Variants in STAT2 observed in about 807,000 individuals in gnomAD.
STAT2 encodes the protein interferon alpha induced transcriptional activator.
A neutral mutation model predicts 122.3 loss-of-function variants in STAT2; 51 were observed. That is an observed-to-expected ratio of 0.42 (90% CI 0.33 to 0.53). The LOEUF (loss-of-function observed/expected upper bound fraction) is 0.53. Among genes scored for constraint, STAT2 ranks in the 20% least tolerant of loss-of-function variants. The pLI is 0.10. For synonymous variants in STAT2, 351 were observed against 394.9 expected (o/e 0.89, Z 1.32); for missense variants, 736 against 1,010.3 (o/e 0.73, Z 3.68).
intron 1 of STAT2, 91 bp downstream of exon 1, chr12:56,359,967 G>C: frequency 1.1e-6 from 1 of 875,986 alleles, no homozygotes; most frequent in Non-Finnish European, 1.4e-6. Context: ...CCTCTCCAGG[G>C]GGTAACCCCT....
chr12:56,348,781 G>A lies in STAT2; in HGVS notation c.1600C>T (p.Pro534Ser), dbSNP rs754149611. The stretch of plus-strand genomic sequence containing the variant: ...GTGAAGTCAGCCCAGGACAATAATG[G>A]ATCCTCAGTCCTACAGTTCTGCCCT... ...LFGQNCRTED[P>S]LLSWADFTKR... The change falls in exon 18 of 24, where the codon CCA becomes TCA. Residue 534 changes from proline to serine, a missense_variant. Pro to Ser is a moderately conservative substitution (Grantham distance 74). Transcript: ENST00000314128. 3 of 1,614,198 alleles carry A rather than the reference G, an allele frequency of 1.9e-6. No homozygotes were observed. The highest frequency in any genetic ancestry group is 2.5e-6 in the Non-Finnish European group (3 of 1,180,044).
intron 12 of STAT2, 107 bp from the exon 13 acceptor site, chr12:56,350,297 C>T: frequency 2.8e-6 from 4 of 1,451,038 alleles, no homozygotes; most frequent in South Asian, 1.2e-5. Context: ...CGCCATCTCC[C>T]TTTGTCCATA....
chr12:56,349,705 G>A (rs555443299), intron 13 of STAT2, 69 bp from the exon 14 acceptor site: 10 of 1,603,368 alleles, frequency 6.2e-6, no homozygotes, highest in Admixed American at 1.7e-5. Context: ...CCCCTGTTTG[G>A]CTTCAAGACC....
chr12:56,357,823 G>A (rs1879760487), intron 1 of STAT2, among the ~76,000 whole-genome samples: 2 of 149,872 alleles, frequency 1.3e-5, no homozygotes, highest in South Asian at 4.2e-4. Flanking sequence ...GCCATTCTCT[G>A]CCTCAGCCCC....
In STAT2 at chr12:56,348,752, C is replaced by T; in HGVS notation, c.1629G>A (p.Lys543=). ...DPLLSWADFT[K]RESPPGKLPF... is the part of the protein sequence containing the mutation. ...AGCTCCACAGGATTCAGGGAGTTAC[C>T]TTAGTGAAGTCAGCCCAGGACAATA... The change falls in exon 18 of 24, where the codon AAG becomes AAA. Residue 543 remains lysine, a splice_region_variant and synonymous_variant. Transcript: ENST00000314128. 6.2e-7 allele frequency: 1 copy of T among 1,614,126 alleles called. No homozygotes were observed. The highest frequency in any genetic ancestry group is 8.5e-7 in the Non-Finnish European group (1 of 1,180,014).
rs766415320 is a variant in STAT2, at chr12:56,355,291, T to C, written c.532A>G (p.Lys178Glu). ...TGCTTCCTACCTTTGGCCTGGATCT[T>C]ATATCGGAAGCAGAAGACATCCTGC... Reference protein sequence around the residue: ...DQQDVFCFRYKIQAKGKTPSL... With the variant: ...DQQDVFCFRYEIQAKGKTPSL... Residue 178 changes from lysine (K) to glutamate (E), a missense_variant, in exon 6 of 24, where the codon AAG (lysine) becomes GAG (glutamate). By Grantham distance (56) the Lys-to-Glu change is moderately conservative. Coordinates refer to ENST00000314128, the MANE Select transcript of STAT2 (RefSeq NM_005419.4). 6.2e-7 allele frequency: 1 copy of C among 1,614,182 alleles called. No homozygotes were observed. Among genetic ancestry groups the C allele is most frequent in the Non-Finnish European group, 8.5e-7 (1 of 1,180,030 alleles).
intron 22 of STAT2, among the ~76,000 whole-genome samples, chr12:56,345,518 A>ATATATATATATAT (rs1302088781): frequency 7.9e-5 from 2 of 25,440 alleles, no homozygotes; most frequent in African/African-American, 1.1e-3. Context: ...AAAAAAAAAA[A>ATATATATATATAT]AAAAAAATAT....
Position 56,349,190 on chromosome 12 carries a change from C to A in STAT2, c.1413G>T (p.Trp471Cys). ...QLSIAWASVL[W>C]FNLLSPNLQN... ...GAAGGTTTGGGCTGAGCAAATTGAA[C>A]CAGAGAACTGAAGCCCAGGCAATTG... Residue 471 changes from tryptophan to cysteine, a missense_variant, in exon 16 of 24, where the codon TGG becomes TGT. Coordinates refer to ENST00000314128, the MANE Select transcript of STAT2 (RefSeq NM_005419.4). 6.2e-7 allele frequency: 1 copy of A among 1,614,118 alleles called. No homozygotes were observed.
chr12:56,343,559 C>A (rs1272113297), intron 23 of STAT2, 28 bp from the exon 24 acceptor site: 4 of 1,606,362 alleles, frequency 2.5e-6, no homozygotes, highest in East Asian at 2.2e-5. Flanking sequence ...AAAAGTGAGG[C>A]CCCGATCTTA....
chr12:56,351,367 T>G lies in STAT2; in HGVS notation c.866A>C (p.Gln289Pro), dbSNP rs755347509. ...CACCCCTTTGGTCAGAGGGTCATCC[T>G]GATAGCTAACCAGGCAACTCAGTCC... ...LKGLSCLVSYQDDPLTKGVDL... is the reference protein window; with the variant it reads ...LKGLSCLVSYPDDPLTKGVDL... The change falls in exon 9 of 24, where the codon CAG becomes CCG. Residue 289 changes from glutamine (Q) to proline (P), a missense_variant. Coordinates refer to ENST00000314128, the MANE Select transcript of STAT2 (RefSeq NM_005419.4). The G allele has an allele frequency of 3.1e-6, 5 of 1,614,042 alleles. No individual in the cohort carries two copies. Among genetic ancestry groups the G allele is most frequent in the Admixed American group, 3.3e-5 (2 of 59,996 alleles).
rs149859580 is a variant in STAT2, at chr12:56,344,112, G to A, written c.2126C>T (p.Pro709Leu). The part of the protein sequence containing the change: ...SNRQVDELQQ[P>L]LELKPEPELE... ...CTCTGGCTCTGGCTTAAGCTCCAGC[G>A]GTTGTTGCAGTTCATCCACCTGTCT... The change falls in exon 23 of 24, where the codon CCG (proline) becomes CTG (leucine). Residue 709 changes from proline to leucine, a missense_variant. Coordinates refer to ENST00000314128, the MANE Select transcript of STAT2 (RefSeq NM_005419.4). 1.3e-5 allele frequency: 20 copies of A among 1,560,776 alleles called. No individual in the cohort carries two copies. Among genetic ancestry groups the A allele is most frequent in the South Asian group, 2.3e-5 (2 of 86,060 alleles).
intron 3 of STAT2, 102 bp from the exon 4 acceptor site, chr12:56,355,905 C>A: frequency 7.4e-7 from 1 of 1,353,994 alleles, no homozygotes; most frequent in Admixed American, 1.9e-5. Context: ...CCTCCTCCTT[C>A]GGGGTTCTTA....
chr12:56,360,068 T>G lies in STAT2; in HGVS notation c.-18A>C. 1.0e-6 allele frequency: 1 copy of G among 984,168 alleles called. No homozygotes were observed. The allele number at this position is 984,168 out of a possible 1,614,324, so 61.0% of individuals were successfully genotyped here. A position where few individuals can be genotyped will look rare whatever the true frequency, so the allele number is the denominator to read the frequency against. ...TCTCAGGGCCCGTACCTGATTAGGG[T>G]TGCAGTCCCCGCGCCCTCCAATGGC... On this transcript the variant is annotated 5_prime_UTR_variant, in exon 1 of 24. Coordinates refer to ENST00000314128, the MANE Select transcript of STAT2 (RefSeq NM_005419.4).
In STAT2 at chr12:56,353,995, C is replaced by CAAAAA. The variant is rs1187550270; in HGVS notation, c.782+466_782+470dup. Among the ~76,000 whole-genome samples, 34 of 12,766 alleles carry CAAAAA rather than the reference C, an allele frequency of 2.7e-3. 3 individuals are homozygous for CAAAAA. Among genetic ancestry groups the CAAAAA allele is most frequent in the South Asian group, 4.2e-3 (1 of 236 alleles). 8.4% of individuals were successfully genotyped at this position (12,766 alleles called of 152,430 possible). A position where few individuals can be genotyped will look rare whatever the true frequency, so the allele number is the denominator to read the frequency against. On this transcript the variant is annotated intron_variant, in intron 8 of 23. Coordinates refer to ENST00000314128, the MANE Select transcript of STAT2 (RefSeq NM_005419.4). ...TGGGCAACAGAGAGAGACTCCGTCT[C>CAAAAA]AAAAAAAAAAAAAAAAAAAAAATAT...
At position 56,342,745 on chromosome 12, in the gene STAT2, G is replaced by A. The variant is rs554398631; in HGVS notation, c.*644C>T. 1 of 152,352 alleles carries A rather than the reference G, an allele frequency of 6.6e-6. No homozygotes were observed. Among genetic ancestry groups the A allele is most frequent in the East Asian group, 1.9e-4 (1 of 5,186 alleles). The allele number at this position is 152,352 out of a possible 1,614,324, so 9.4% of individuals were successfully genotyped here. On this transcript the variant is annotated 3_prime_UTR_variant, in exon 24 of 24. Transcript: ENST00000314128. Reference sequence around the variant, plus strand: ...AGGATCATTTTATGGGGGAGGAACAGGTACAGCCAGCTTAGGGGCAGAGTA... The same window carrying A: ...AGGATCATTTTATGGGGGAGGAACAAGTACAGCCAGCTTAGGGGCAGAGTA...
chr12:56,354,907 C>T, intron 6 of STAT2, 44 bp from the exon 7 acceptor site: 2 of 1,581,284 alleles, frequency 1.3e-6, no homozygotes, highest in Non-Finnish European at 1.7e-6. Context: ...TCTTTCCTCT[C>T]CTTCCTGACT....
At chr12:56,359,722 GT>G (rs1338914276) in intron 1 of STAT2, among the ~76,000 whole-genome samples, 1 of 152,124 alleles carries the variant, frequency 6.6e-6, no homozygotes, top group Non-Finnish European at 1.5e-5. Flanking sequence ...ATCTATCTTT[GT>G]TTTTAGATTT....
chr12:56,347,822 C>G (rs1877737945), intron 19 of STAT2, among the ~76,000 whole-genome samples: 1 of 152,090 alleles, frequency 6.6e-6, no homozygotes. Flanking sequence ...CTTTTAAAAG[C>G]CAAATGCTAC....
intron 8 of STAT2, among the ~76,000 whole-genome samples, chr12:56,353,715 C>T (rs886148583): frequency 9.2e-5 from 14 of 151,534 alleles, no homozygotes; most frequent in African/African-American, 1.9e-4. Flanking sequence ...TACTGTTGGC[C>T]GGGCATGGTG....
Sources: gnomAD v4.1 joint callset for allele counts (sites outside exome capture counted in the v4.1 genomes callset) on GRCh38, gnomAD v4.1.1 for gene constraint, MANE v1.5 for transcripts, NCBI Gene and HGNC (gene_info 2026-07-23, HGNC 2026-07-21) for gene names.